Variants in PREPL observed in about 807,000 individuals in gnomAD.
The protein encoded by PREPL is prolyl endopeptidase like.
PREPL carries 77 observed loss-of-function variants against 70.6 expected under a neutral mutation model. That is an observed-to-expected ratio of 1.09 (90% confidence interval 0.91 to 1.32). The LOEUF is 1.32. Among genes scored for constraint, PREPL ranks in the 40% most tolerant of loss-of-function variants. The probability of loss-of-function intolerance (pLI) is 0.00; values close to 1 mark genes in which losing one functional copy is unlikely to be tolerated. For synonymous variants in PREPL, 315 were observed against 264.8 expected, an observed-to-expected ratio of 1.19 and a Z score of -1.84; for missense variants, 1,002 against 778.2, an observed-to-expected ratio of 1.29 and a Z score of -3.42.
chr2:44,343,652 C>T, intron 4 of PREPL, 93 bp downstream of exon 4: 1 of 1,125,556 alleles, frequency 8.9e-7, no homozygotes, highest in Non-Finnish European at 1.3e-6. Flanking sequence ...ATCAGGCATT[C>T]ACCTTCTCCC....
chr2:44,353,047 G>T (rs532607467), intron 1 of PREPL, among the ~76,000 whole-genome samples: 1 of 151,614 alleles, frequency 6.6e-6, no homozygotes. Context: ...AAGAGCTTCA[G>T]ACCAGCCTGG....
chr2:44,345,419 T>A (rs1031437151), intron 2 of PREPL, among the ~76,000 whole-genome samples: 116 of 152,234 alleles, frequency 7.6e-4, no homozygotes, highest in African/African-American at 2.7e-3. Context: ...TGGTGCAATC[T>A]TGGCTCAGGG....
At chr2:44,357,453 T>C (rs1677170420) in intron 1 of PREPL, among the ~76,000 whole-genome samples, 1 of 152,198 alleles carries the variant, frequency 6.6e-6, no homozygotes, top group African/African-American at 2.4e-5. Context: ...CCATGGCTTT[T>C]ACATTACATC....
At chr2:44,343,247 A>G (rs1675419697) in intron 4 of PREPL, among the ~76,000 whole-genome samples, 1 of 152,232 alleles carries the variant, frequency 6.6e-6, no homozygotes. Flanking sequence ...AATGTAACAT[A>G]TGTACCACTC....
intron 1 of PREPL, among the ~76,000 whole-genome samples, chr2:44,361,079 A>C (rs189205641): frequency 6.6e-6 from 1 of 152,370 alleles, no homozygotes; most frequent in Non-Finnish European, 1.5e-5. Flanking sequence ...AAGGTCCTAC[A>C]TCACCACGTT....
chr2:44,321,842 C>A lies in PREPL; in HGVS notation c.1812G>T (p.Glu604Asp). ...GATAACATACCTTTTTGTGAGAATC[C>A]TCAATTACATGATTGCCTCCAGGCT... ...DIQPGGNHVI[E>D]DSHKKITAQI... Residue 604 changes from glutamate (E) to aspartate (D), a missense_variant, in exon 13 of 14, where the codon GAG (glutamate) becomes GAT (aspartate). Coordinates refer to ENST00000409411, the MANE Select transcript of PREPL (RefSeq NM_001171613.2). The A allele has an allele frequency of 6.2e-7, 1 of 1,613,672 alleles. No homozygotes were observed. Among genetic ancestry groups the A allele is most frequent in the Non-Finnish European group, 8.5e-7 (1 of 1,179,696 alleles).
chr2:44,339,426 G>T, intron 5 of PREPL, 63 bp from the exon 6 acceptor site: 1 of 1,584,802 alleles, frequency 6.3e-7, no homozygotes. Flanking sequence ...CCTTGTTAAG[G>T]ACAGTATCTC....
In PREPL at chr2:44,320,694, G is replaced by T. The variant is rs1403393163; in HGVS notation, c.*662C>A. 2 of 1,335,622 alleles carry T rather than the reference G, an allele frequency of 1.5e-6. No homozygotes were observed. The highest frequency in any genetic ancestry group is 2.3e-5 in the East Asian group (1 of 43,514). 82.7% of individuals were successfully genotyped at this position (1,335,622 alleles called of 1,614,324 possible). A position where few individuals can be genotyped will look rare whatever the true frequency, so the allele number is the denominator to read the frequency against. On this transcript the variant is annotated 3_prime_UTR_variant, in exon 14 of 14. Transcript: ENST00000409411. ...CATTTCAGTGGGATTGTAAGCATTTGTAATAGCTTCATGTACAGCATGCTG... is the reference window on the plus strand; with the variant it reads ...CATTTCAGTGGGATTGTAAGCATTTTTAATAGCTTCATGTACAGCATGCTG...
chr2:44,359,675 T>C (rs1234348455), intron 1 of PREPL: 1 of 1,613,288 alleles, frequency 6.2e-7, no homozygotes, highest in South Asian at 1.1e-5. Context: ...AGGAATACTA[T>C]ACTTCAAAGC....
At chr2:44,355,616 C>A (rs1291258173) in intron 1 of PREPL, among the ~76,000 whole-genome samples, 10 of 152,124 alleles carry the variant, frequency 6.6e-5, no homozygotes, top group Admixed American at 6.5e-4. Context: ...AGGCTTCCTA[C>A]TTCCAATTTA....
Position 44,346,355 on chromosome 2 carries a change from G to C in PREPL, c.-13C>G. 1 of 1,612,506 alleles carries C rather than the reference G, an allele frequency of 6.2e-7. No individual in the cohort carries two copies. The highest frequency in any genetic ancestry group is 8.5e-7 in the Non-Finnish European group (1 of 1,179,252). On this transcript the variant is annotated 5_prime_UTR_variant, in exon 2 of 14. Transcript: ENST00000409411. ...CAAATGCATCCATGTTTTCTGGAAG[G>C]GGTTTTTCGTTTTCTTGTTTAACAG...
chr2:44,332,531 C>A lies in PREPL; in HGVS notation c.1014G>T (p.Leu338=), dbSNP rs781748065. The A allele has an allele frequency of 6.2e-7, 1 of 1,614,084 alleles. No homozygotes were observed. The highest frequency in any genetic ancestry group is 2.2e-5 in the East Asian group (1 of 44,866). The stretch of plus-strand genomic sequence containing the variant: ...GGTCTTCATGCCCAGTTTCCTCAAA[C>A]AGTTTGCCTTCTGCAAACTTGTATG... ...YYTYKFAEGK[L]FEETGHEDPI... The change falls in exon 8 of 14, where the codon CTG becomes CTT. Residue 338 remains leucine, a synonymous_variant. Transcript: ENST00000409411.
intron 1 of PREPL, among the ~76,000 whole-genome samples, chr2:44,351,759 T>C (rs11680553): frequency 0.45 from 68,257 of 152,072 alleles, 18,205 homozygotes; most frequent in Non-Finnish European, 0.6. Flanking sequence ...TCCCTTGGAT[T>C]ACTGCAAAAG....
At chr2:44,351,041 G>A (rs554958697) in intron 1 of PREPL, among the ~76,000 whole-genome samples, 2 of 150,140 alleles carry the variant, frequency 1.3e-5, no homozygotes, top group Admixed American at 6.6e-5. Flanking sequence ...TCCTGCCTCC[G>A]CCTCCTGAGT....
chr2:44,349,186 A>G (rs1375979644), intron 1 of PREPL, among the ~76,000 whole-genome samples: 3 of 152,232 alleles, frequency 2.0e-5, no homozygotes, highest in Non-Finnish European at 4.4e-5. Context: ...GCTGAACTCT[A>G]AAGATAGAAA....
intron 10 of PREPL, among the ~76,000 whole-genome samples, chr2:44,324,731 A>G (rs1195304846): frequency 1.3e-5 from 2 of 151,822 alleles, no homozygotes; most frequent in African/African-American, 4.8e-5. Context: ...ACAACAAACC[A>G]CAAAAATTAG....
chr2:44,356,012 T>A (rs1449686347), intron 1 of PREPL, among the ~76,000 whole-genome samples: 2 of 152,184 alleles, frequency 1.3e-5, no homozygotes, highest in African/African-American at 4.8e-5. Context: ...GATGGATGGA[T>A]GCTAGTCTTT....
At chr2:44,333,550 G>A (rs913122429) in intron 7 of PREPL, among the ~76,000 whole-genome samples, 4 of 151,962 alleles carry the variant, frequency 2.6e-5, no homozygotes, top group East Asian at 1.9e-4. Flanking sequence ...CCGGGGATTT[G>A]TGCGTAAAGG....
chr2:44,317,626 T>C lies in PREPL; in HGVS notation c.*3730A>G, dbSNP rs1189222525. ...ACATTATTTTCAAGTGGTCATAATTTTAATGGTAAAATTAGGACATAAAAA... is the reference window on the plus strand; with the variant it reads ...ACATTATTTTCAAGTGGTCATAATTCTAATGGTAAAATTAGGACATAAAAA... On this transcript the variant is annotated 3_prime_UTR_variant, in exon 14 of 14. Transcript: ENST00000409411. 1 of 152,478 alleles carries C rather than the reference T, an allele frequency of 6.6e-6. No individual in the cohort carries two copies. Among genetic ancestry groups the C allele is most frequent in the Non-Finnish European group, 1.5e-5 (1 of 68,298 alleles). The allele number at this position is 152,478 out of a possible 1,614,324, so 9.4% of individuals were successfully genotyped here.
Sources: allele counts gnomAD v4.1 joint callset (sites outside exome capture counted in the v4.1 genomes callset), GRCh38; gene constraint gnomAD v4.1.1; transcripts MANE v1.5; gene names NCBI Gene and HGNC (gene_info 2026-07-23, HGNC 2026-07-21).